Variants in CACNA1H observed in about 807,000 individuals in gnomAD.
The protein encoded by CACNA1H is voltage-dependent T-type calcium channel subunit alpha-1H.
In CACNA1H, 149 loss-of-function variants were observed where a neutral mutation model predicts 192.5. The ratio of observed to expected loss-of-function variants is 0.77; its 90% CI spans 0.68 to 0.89. The LOEUF (loss-of-function observed/expected upper bound fraction) is 0.89. Ranked by LOEUF, CACNA1H falls within the 40% of genes least tolerant of loss-of-function variation. The pLI, the probability that CACNA1H is intolerant of heterozygous loss-of-function variation, is 0.00. For missense variants in CACNA1H, 4,257 were observed against 3,423.5 expected, an observed-to-expected ratio of 1.24 and a Z score of -6.08; for synonymous variants, 2,202 against 1,475.2, an observed-to-expected ratio of 1.49 and a Z score of -11.29.
intron 2 of CACNA1H, among the ~76,000 whole-genome samples, chr16:1,155,918 T>A (rs1428624831): frequency 6.6e-6 from 1 of 151,952 alleles, no homozygotes; most frequent in Non-Finnish European, 1.5e-5. Context: ...GCTGTCCTTT[T>A]GGGCTTTGTG....
rs1970410954 is a variant in CACNA1H, at chr16:1,220,646, A to T, written c.6714A>T (p.Ser2238=). Residue 2238 remains serine (S), a synonymous_variant, in exon 35 of 35, where the codon TCA becomes TCT. Transcript: ENST00000348261. ...HRDSLEPTEG[S]GAGGDPAAKG... ...ACTCCCTGGAGCCCACAGAGGGCTC[A>T]GGCGCCGGGGGGGACCCTGCAGCCA... 1 of 1,602,536 alleles carries T rather than the reference A, an allele frequency of 6.2e-7. No homozygotes were observed. The highest frequency in any genetic ancestry group is 1.3e-5 in the African/African-American group (1 of 74,400).
rs1465909618 is a variant in CACNA1H at position 1,183,873 on chromosome 16, G to A, written c.300-11099G>A. On this transcript the variant is annotated intron_variant, in intron 2 of 34. Transcript: ENST00000348261. The stretch of plus-strand genomic sequence containing the variant: ...TGCAAACATCTGGCTCCAGAATTTC[G>A]CCACTGCAGAGGGAGACTGAATTAA... 6.6e-5 allele frequency among the ~76,000 whole-genome samples: 10 copies of A among 152,234 alleles called. 1 individual carries two copies. The highest frequency in any genetic ancestry group is 4.1e-4 in the South Asian group (2 of 4,836).
chr16:1,193,524 G>T (rs539748825), intron 2 of CACNA1H, among the ~76,000 whole-genome samples: 5 of 152,388 alleles, frequency 3.3e-5, no homozygotes, highest in African/African-American at 1.2e-4. Context: ...CAGTGGGTGC[G>T]TCATCGGTAG....
At chr16:1,213,996 G>A (rs1969769781) in intron 27 of CACNA1H, 65 bp downstream of exon 27, 2 of 1,408,756 alleles carry the variant, frequency 1.4e-6, no homozygotes, top group Non-Finnish European at 2.0e-6. Flanking sequence ...AGCCAACACA[G>A]TGGGCACAAC....
intron 16 of CACNA1H, 47 bp from the exon 17 acceptor site, chr16:1,208,985 G>A: frequency 1.4e-6 from 2 of 1,454,998 alleles, no homozygotes; most frequent in Non-Finnish European, 1.8e-6. Context: ...ACAGCGGTCG[G>A]TGCTAATAGT....
At chr16:1,216,098 G>C (rs183145019) in intron 30 of CACNA1H, among the ~76,000 whole-genome samples, 2 of 152,130 alleles carry the variant, frequency 1.3e-5, no homozygotes, top group Admixed American at 6.5e-5. Context: ...TCCAACCCCC[G>C]TGTGTCCGTC....
In CACNA1H at chr16:1,202,519, T is replaced by G. The variant is rs115952318; in HGVS notation, c.2002+67T>G. ...TAGGCAGGGCGGGCAGGGTCTCCGG[T>G]GTGTCATTCCCACACCCATTGTGGG... On this transcript the variant is annotated intron_variant, in intron 9 of 34. Transcript: ENST00000348261. The G allele has an allele frequency of 1.3e-5, 17 of 1,359,506 alleles. No homozygotes were observed. The Admixed American group carries it at 2.8e-4, about 22-fold the overall frequency. The allele number at this position is 1,359,506 out of a possible 1,614,324, so 84.2% of individuals were successfully genotyped here. A position where few individuals can be genotyped will look rare whatever the true frequency, so the allele number is the denominator to read the frequency against.
chr16:1,176,684 G>A (rs953206232), intron 2 of CACNA1H, among the ~76,000 whole-genome samples: 2 of 152,208 alleles, frequency 1.3e-5, no homozygotes, highest in African/African-American at 4.8e-5. Context: ...ATGGGGGTCC[G>A]GGGGCCGGCT....
At chr16:1,179,103 CTG>C (rs1555504596) in intron 2 of CACNA1H, among the ~76,000 whole-genome samples, 2 of 152,194 alleles carry the variant, frequency 1.3e-5, no homozygotes, top group African/African-American at 2.4e-5. Context: ...TCCCTGCACA[CTG>C]TTACTCAGAC....
rs1326666160 is a variant in CACNA1H at position 1,209,204 on chromosome 16, C to G, written c.3536C>G (p.Ala1179Gly). The G allele has an allele frequency of 6.4e-7, 1 of 1,550,974 alleles. No homozygotes were observed. Among genetic ancestry groups the G allele is most frequent in the Non-Finnish European group, 8.7e-7 (1 of 1,148,770 alleles). The change falls in exon 17 of 35, where the codon GCT (alanine) becomes GGT (glycine). Residue 1179 changes from alanine (A) to glycine (G), a missense_variant. Ala to Gly is a moderately conservative substitution (Grantham distance 60, BLOSUM62 0). Transcript: ENST00000348261. ...GEGKGSTDDE[A>G]EDGRAAPGPR... ...GGCAAGGGCAGCACCGACGACGAAG[C>G]TGAGGACGGCAGGGCCGCGCCCGGG... is the stretch of plus-strand genomic sequence containing the variant.
chr16:1,172,389 G>A (rs1964454216), intron 2 of CACNA1H, among the ~76,000 whole-genome samples: 1 of 152,128 alleles, frequency 6.6e-6, no homozygotes, highest in Non-Finnish European at 1.5e-5. Flanking sequence ...TCCCTAGGCT[G>A]CCCCCAGGCG....
chr16:1,195,883 C>T (rs751792904), intron 4 of CACNA1H, 43 bp from the exon 5 acceptor site: 112 of 1,502,276 alleles, frequency 7.5e-5, no homozygotes, highest in Non-Finnish European at 4.6e-5. Context: ...CCTGGACCAC[C>T]TGGGCTCCTT....
At chr16:1,156,963 T>C (rs965729318) in intron 2 of CACNA1H, 5 of 152,226 alleles carry the variant, frequency 3.3e-5, no homozygotes, top group Non-Finnish European at 5.9e-5. Flanking sequence ...AATATAATTG[T>C]CTTAGAACTT....
In CACNA1H at chr16:1,198,626, C is replaced by T. The variant is rs769678217; in HGVS notation, c.655C>T (p.Leu219=). The change falls in exon 6 of 35, where the codon CTG becomes TTG. Residue 219 remains leucine (L), a synonymous_variant. Coordinates refer to ENST00000348261, the MANE Select transcript of CACNA1H (RefSeq NM_021098.3). The part of the protein sequence containing the change: ...AINRVPSMRI[L]VTLLLDTLPM... The stretch of plus-strand genomic sequence containing the variant: ...CCTGCTGCCCACAGGCATGCGGATC[C>T]TGGTCACTCTGCTGCTGGATACGCT... 1.2e-5 allele frequency: 20 copies of T among 1,613,136 alleles called. No homozygotes were observed. Among genetic ancestry groups the T allele is most frequent in the Non-Finnish European group, 1.6e-5 (19 of 1,179,612 alleles).
At chr16:1,199,966 G>A (rs1267462753) in intron 6 of CACNA1H, among the ~76,000 whole-genome samples, 3 of 149,482 alleles carry the variant, frequency 2.0e-5, no homozygotes, top group Non-Finnish European at 4.5e-5. Context: ...GTCCATCCCT[G>A]TTCTTTGTGT....
chr16:1,200,726 T>C lies in CACNA1H; in HGVS notation c.1130T>C (p.Leu377Pro). Reference sequence around the variant, plus strand: ...CCACTGCCCCCCCAGGTGATCACGCTGGAAGGCTGGGTGGACATCATGTAC... The same window carrying C: ...CCACTGCCCCCCCAGGTGATCACGCCGGAAGGCTGGGTGGACATCATGTAC... ...AWIAIFQVIT[L>P]EGWVDIMYYV... Residue 377 changes from leucine to proline, a missense_variant, in exon 8 of 35, where the codon CTG (leucine) becomes CCG (proline). Coordinates refer to ENST00000348261, the MANE Select transcript of CACNA1H (RefSeq NM_021098.3). 6.4e-7 allele frequency: 1 copy of C among 1,562,778 alleles called. No individual in the cohort carries two copies. Among genetic ancestry groups the C allele is most frequent in the Non-Finnish European group, 8.7e-7 (1 of 1,153,674 alleles).
chr16:1,194,938 C>T, intron 2 of CACNA1H, 34 bp from the exon 3 acceptor site: 19 of 1,520,254 alleles, frequency 1.2e-5, no homozygotes, highest in Non-Finnish European at 1.6e-5. Flanking sequence ...GGGTCCCGGG[C>T]CGCGCCGGTG....
chr16:1,171,245 T>G (rs1964339606), intron 2 of CACNA1H, among the ~76,000 whole-genome samples: 1 of 152,182 alleles, frequency 6.6e-6, no homozygotes, highest in South Asian at 2.1e-4. Flanking sequence ...GGGAGGTCTC[T>G]CGGGCAGCCT....
chr16:1,198,481 C>A, intron 5 of CACNA1H, 134 bp from the exon 6 acceptor site: 1 of 920,522 alleles, frequency 1.1e-6, no homozygotes, highest in Non-Finnish European at 1.7e-6. Flanking sequence ...AGGGGGTGGC[C>A]CGAGTCAGTG....
Sources: allele counts gnomAD v4.1 joint callset (sites outside exome capture counted in the v4.1 genomes callset), GRCh38; gene constraint gnomAD v4.1.1; transcripts MANE v1.5; gene names NCBI Gene and HGNC (gene_info 2026-07-23, HGNC 2026-07-21).